PLPP4: variants seen among roughly 807,000 people sequenced by gnomAD.
PLPP4 encodes phospholipid phosphatase 4, also known as diacylglycerol pyrophosphate like 2.
A neutral mutation model predicts 32.2 loss-of-function variants in PLPP4; 20 were observed. The ratio of observed to expected loss-of-function variants is 0.62; its 90% CI spans 0.44 to 0.90. PLPP4 has a LOEUF of 0.90. Ranked by LOEUF, PLPP4 falls within the 40% of genes least tolerant of loss-of-function variation. PLPP4 has a pLI of 0.00. For missense variants in PLPP4, 257 were observed against 353.1 expected, an observed-to-expected ratio of 0.73 and a Z score of 2.18; for synonymous variants, 127 against 133.0, an observed-to-expected ratio of 0.95 and a Z score of 0.31.
chr10:120,567,140 A>G (rs1455031298), intron 5 of PLPP4, among the ~76,000 whole-genome samples: 1 of 152,262 alleles, frequency 6.6e-6, no homozygotes, highest in African/African-American at 2.4e-5. Context: ...GATTGTTTTA[A>G]TATTTCGTCT....
intron 1 of PLPP4, among the ~76,000 whole-genome samples, chr10:120,477,242 C>CAAAAAAA (rs140983897): frequency 2.1e-5 from 3 of 140,618 alleles, no homozygotes; most frequent in African/African-American, 2.5e-5. Flanking sequence ...CAGAACGGTT[C>CAAAAAAA]AAAAAGAAAA....
chr10:120,488,968 T>C (rs115637016), intron 1 of PLPP4, among the ~76,000 whole-genome samples: 3,806 of 152,302 alleles, frequency 0.025, 157 homozygotes, highest in African/African-American at 0.087. Context: ...AGGTTTGAGA[T>C]AAGATGTAAG....
intron 5 of PLPP4, among the ~76,000 whole-genome samples, chr10:120,551,702 G>A (rs1273347852): frequency 6.6e-6 from 1 of 152,154 alleles, no homozygotes; most frequent in African/African-American, 2.4e-5. Context: ...GGCAAGGGAG[G>A]GAACTGGCTG....
intron 1 of PLPP4, among the ~76,000 whole-genome samples, chr10:120,467,174 G>C (rs1848365584): frequency 9.1e-6 from 1 of 110,304 alleles, no homozygotes; most frequent in African/African-American, 2.8e-5. Flanking sequence ...CGCCTCCCAG[G>C]TTCACGCCAT....
intron 5 of PLPP4, among the ~76,000 whole-genome samples, chr10:120,544,306 G>T (rs956419508): frequency 2.6e-5 from 4 of 152,178 alleles, no homozygotes; most frequent in African/African-American, 9.7e-5. Flanking sequence ...GACTCCCTGA[G>T]ATTTTGACAG....
chr10:120,518,803 A>G (rs776377154), intron 3 of PLPP4, 30 bp from the exon 4 acceptor site: 3 of 1,599,452 alleles, frequency 1.9e-6, no homozygotes, highest in Admixed American at 1.7e-5. Context: ...CCAGCTTGCT[A>G]TTTTTCTGTC....
intron 6 of PLPP4, chr10:120,581,438 C>T: frequency 2.9e-6 from 1 of 347,404 alleles, no homozygotes; most frequent in Non-Finnish European, 4.1e-6. Flanking sequence ...GCCTTTAGAG[C>T]CTGCGTTAGC....
At chr10:120,558,635 C>T (rs12771445) in intron 5 of PLPP4, among the ~76,000 whole-genome samples, 39,047 of 151,708 alleles carry the variant, frequency 0.26, 5,626 homozygotes, top group Non-Finnish European at 0.32. Flanking sequence ...AGGCTGGTCT[C>T]GAAGTCCTCA....
At chr10:120,479,873 C>A (rs919946205) in intron 1 of PLPP4, among the ~76,000 whole-genome samples, 1 of 152,128 alleles carries the variant, frequency 6.6e-6, no homozygotes, top group African/African-American at 2.4e-5. Flanking sequence ...CATGAAATAA[C>A]TGGAGGTTGT....
chr10:120,511,950 C>T (rs564010093), intron 2 of PLPP4, among the ~76,000 whole-genome samples: 61 of 152,134 alleles, frequency 4.0e-4, no homozygotes, highest in African/African-American at 1.2e-3. Context: ...AAAACTTAGC[C>T]GGGCGTGGTG....
chr10:120,581,274 G>A, intron 6 of PLPP4: 2 of 985,390 alleles, frequency 2.0e-6, no homozygotes, highest in Non-Finnish European at 2.4e-6. Context: ...TTTCTGTGGT[G>A]TTCTGTGGTT....
intron 1 of PLPP4, among the ~76,000 whole-genome samples, chr10:120,462,149 C>T (rs573717189): frequency 6.7e-6 from 1 of 150,190 alleles, no homozygotes; most frequent in East Asian, 2.0e-4. Flanking sequence ...GACATTCCTG[C>T]AGGGCAAAGG....
intron 3 of PLPP4, among the ~76,000 whole-genome samples, chr10:120,516,130 T>C (rs569449685): frequency 7.9e-5 from 12 of 152,346 alleles, no homozygotes; most frequent in African/African-American, 2.6e-4. Flanking sequence ...GTAGAGGTTT[T>C]TTTTTCAATC....
chr10:120,578,605 C>T lies in PLPP4; in HGVS notation c.616+3304C>T, dbSNP rs191256226. Among the ~76,000 whole-genome samples, 513 of 152,318 alleles carry T rather than the reference C, an allele frequency of 3.4e-3. 1 individual carries two copies. Among genetic ancestry groups the T allele is most frequent in the Non-Finnish European group, 6.1e-3 (413 of 68,028 alleles). On this transcript the variant is annotated intron_variant, in intron 6 of 6. Coordinates refer to ENST00000398250, the MANE Select transcript of PLPP4 (RefSeq NM_001030059.3). Reference sequence around the variant, plus strand: ...ATAATCTCTAATGACTCTCTCTCTCCATTATCATGGTTATTTTCTGCTATT... The same window carrying T: ...ATAATCTCTAATGACTCTCTCTCTCTATTATCATGGTTATTTTCTGCTATT...
intron 5 of PLPP4, among the ~76,000 whole-genome samples, chr10:120,574,911 A>G (rs1008925478): frequency 1.3e-5 from 2 of 152,176 alleles, no homozygotes; most frequent in East Asian, 1.9e-4. Context: ...ATGAAATAAA[A>G]TAGGTTTTGA....
rs1476203465 is a variant in PLPP4, at chr10:120,589,538, C to T, written c.*36C>T. The T allele has an allele frequency of 1.3e-6, 2 of 1,496,214 alleles. No homozygotes were observed. The highest frequency in any genetic ancestry group is 1.4e-5 in the African/African-American group (1 of 72,608). The allele number at this position is 1,496,214 out of a possible 1,614,324, so 92.7% of individuals were successfully genotyped here. On this transcript the variant is annotated 3_prime_UTR_variant, in exon 7 of 7. Coordinates refer to ENST00000398250, the MANE Select transcript of PLPP4 (RefSeq NM_001030059.3). ...GGGAGGATGGACACTAAGCCCTGGGCACATCTGCCACCCTGACATCATAAC... is the reference window on the plus strand; with the variant it reads ...GGGAGGATGGACACTAAGCCCTGGGTACATCTGCCACCCTGACATCATAAC...
At chr10:120,491,815 ACAACAACAACAAAACC>A (rs140866556) in intron 1 of PLPP4, among the ~76,000 whole-genome samples, 8,355 of 152,172 alleles carry the variant, frequency 0.055, 312 homozygotes, top group South Asian at 0.11. Flanking sequence ...ATCTCTAAGA[ACAACAACAACAAAACC>A]CAACAACAAC....
intron 1 of PLPP4, among the ~76,000 whole-genome samples, chr10:120,467,053 A>C (rs1848356992): frequency 6.6e-6 from 1 of 152,166 alleles, no homozygotes; most frequent in African/African-American, 2.4e-5. Flanking sequence ...TCCAAGAAAA[A>C]GAAATTGCCA....
chr10:120,562,773 G>A (rs10886711), intron 5 of PLPP4, among the ~76,000 whole-genome samples: 50,912 of 151,990 alleles, frequency 0.33, 8,663 homozygotes, highest in Middle Eastern at 0.4. Context: ...AGATTTGGTT[G>A]ATAATATTCT....
Sources: allele counts gnomAD v4.1 joint callset (sites outside exome capture counted in the v4.1 genomes callset), GRCh38; gene constraint gnomAD v4.1.1; transcripts MANE v1.5; gene names NCBI Gene and HGNC (gene_info 2026-07-23, HGNC 2026-07-21).